Variants in LIG1 observed in about 807,000 individuals in gnomAD.
LIG1 encodes DNA ligase 1.
LIG1 carries 70 observed loss-of-function variants against 115.7 expected under a neutral mutation model. The observed-to-expected ratio is 0.60, with a 90% CI of 0.50 to 0.74. The LOEUF (loss-of-function observed/expected upper bound fraction) is 0.74, where lower values mean the gene tolerates loss of function less well. Among genes scored for constraint, LIG1 ranks in the 30% least tolerant of loss-of-function variants. LIG1 has a pLI of 0.00. For synonymous variants in LIG1, 487 were observed against 495.3 expected, an observed-to-expected ratio of 0.98 and a Z score of 0.22; for missense variants, 1,115 against 1,225.6, an observed-to-expected ratio of 0.91 and a Z score of 1.35.
intron 2 of LIG1, among the ~76,000 whole-genome samples, chr19:48,162,981 C>T (rs543085242): frequency 6.6e-6 from 1 of 151,686 alleles, no homozygotes; most frequent in South Asian, 2.1e-4. Context: ...ATGGTGTGAT[C>T]TCGGCTCACT....
At chr19:48,129,640 C>T (rs1394341155) in intron 19 of LIG1, among the ~76,000 whole-genome samples, 2 of 152,252 alleles carry the variant, frequency 1.3e-5, no homozygotes, top group Non-Finnish European at 2.9e-5. Flanking sequence ...AGCTCTAGAA[C>T]AGGTAAAACC....
intron 20 of LIG1, 157 bp from the exon 21 acceptor site, chr19:48,127,505 C>T (rs562371086): frequency 4.3e-6 from 3 of 694,430 alleles, no homozygotes; most frequent in Non-Finnish European, 7.7e-6. Context: ...GGTGCTGGAT[C>T]GTTAACGGCT....
chr19:48,140,027 C>T lies in LIG1; in HGVS notation c.1031G>A (p.Gly344Asp), dbSNP rs1287641149. ...SLNHLGPPQQ[G>D]LELGVGDGVL... The stretch of plus-strand genomic sequence containing the variant: ...ACCATCACCCACGCCAAGCTCCAGG[C>T]CCTGCTGGGGTGGCCCAAGGTGGTT... The change falls in exon 12 of 28, where the codon GGC (glycine) becomes GAC (aspartate). Residue 344 changes from glycine to aspartate, a missense_variant. Coordinates refer to ENST00000263274, the MANE Select transcript of LIG1 (RefSeq NM_000234.3). The T allele has an allele frequency of 1.2e-6, 2 of 1,614,120 alleles. No homozygotes were observed. Among genetic ancestry groups the T allele is most frequent in the Non-Finnish European group, 8.5e-7 (1 of 1,180,048 alleles).
At chr19:48,119,463 G>A (rs1392402192) in intron 24 of LIG1, among the ~76,000 whole-genome samples, 2 of 151,134 alleles carry the variant, frequency 1.3e-5, no homozygotes, top group Non-Finnish European at 2.9e-5. Context: ...CCTGGCCCCA[G>A]GAAGTCACTC....
In LIG1 at chr19:48,136,062, CTGGGAG is replaced by C. The variant is rs2034368624; in HGVS notation, c.1389_1394del (p.Ser464_Gln465del). 2 of 1,570,502 alleles carry C rather than the reference CTGGGAG, an allele frequency of 1.3e-6. No homozygotes were observed. The highest frequency in any genetic ancestry group is 2.7e-5 in the African/African-American group (2 of 73,872). ...GGCCCGGGGGCGTGAGGCTCACTGC[CTGGGAG>C]AGGGCAGCCAGCACCGACTGCTCTG... On this transcript the variant is annotated inframe_deletion, in exon 15 of 28. Coordinates refer to ENST00000263274, the MANE Select transcript of LIG1 (RefSeq NM_000234.3).
At chr19:48,164,974 A>AC (rs2036398453) in intron 2 of LIG1, among the ~76,000 whole-genome samples, 1 of 152,136 alleles carries the variant, frequency 6.6e-6, no homozygotes, top group African/African-American at 2.4e-5. Flanking sequence ...ATATCTCCAG[A>AC]CACTGGCCGG....
intron 2 of LIG1, 56 bp downstream of exon 2, chr19:48,165,494 G>T: frequency 1.5e-6 from 2 of 1,302,434 alleles, no homozygotes; most frequent in Non-Finnish European, 2.2e-6. Context: ...CAGATTTAGA[G>T]AAAGAAACAG....
intron 18 of LIG1, among the ~76,000 whole-genome samples, chr19:48,131,477 T>G (rs1008948258): frequency 6.6e-6 from 1 of 152,146 alleles, no homozygotes; most frequent in South Asian, 2.1e-4. Context: ...TCATTCTGAT[T>G]TTTTTTTGAG....
chr19:48,127,403 T>C (rs2033741068), intron 20 of LIG1, 55 bp from the exon 21 acceptor site: 1 of 1,486,600 alleles, frequency 6.7e-7, no homozygotes, highest in Non-Finnish European at 9.3e-7. Flanking sequence ...CGGGGCACTG[T>C]GCCTGAGGCC....
At chr19:48,140,216 T>A in intron 11 of LIG1, 73 bp from the exon 12 acceptor site, 7 of 998,626 alleles carry the variant, frequency 7.0e-6, no homozygotes, top group Non-Finnish European at 1.1e-5. Flanking sequence ...GGGGTGGGTT[T>A]AAGGGGGTGG....
intron 24 of LIG1, chr19:48,120,808 G>C (rs936238143): frequency 5.0e-5 from 27 of 537,680 alleles, no homozygotes; most frequent in African/African-American, 5.0e-4. Context: ...AAAAAAAAAT[G>C]TGGGGACAAA....
chr19:48,160,201 C>G (rs546402409), intron 4 of LIG1, among the ~76,000 whole-genome samples: 2 of 152,340 alleles, frequency 1.3e-5, no homozygotes, highest in East Asian at 3.9e-4. Flanking sequence ...TTTTAAGCCA[C>G]TGCGTTTGTG....
chr19:48,134,571 T>C (rs1353205543), intron 16 of LIG1, among the ~76,000 whole-genome samples: 2 of 152,194 alleles, frequency 1.3e-5, no homozygotes, highest in African/African-American at 4.8e-5. Context: ...GGCAGGAGAA[T>C]CACTTGAACC....
At position 48,133,104 on chromosome 19, in the gene LIG1, AAGG is replaced by A. The variant is rs2034149584; in HGVS notation, c.1610-10_1610-8del. On this transcript the variant is annotated splice_region_variant and splice_polypyrimidine_tract_variant and intron_variant, in intron 17 of 27. Transcript: ENST00000263274. Reference sequence around the variant, plus strand: ...ATTGGTTTCAGGGGAATCCCTGGGAAAGGAGGAGAGTGAGTTAGAGGAGAGGGA... The same window carrying A: ...ATTGGTTTCAGGGGAATCCCTGGGAAAGGAGAGTGAGTTAGAGGAGAGGGA... The A allele has an allele frequency of 1.3e-6, 2 of 1,582,234 alleles. No homozygotes were observed. The highest frequency in any genetic ancestry group is 1.7e-6 in the Non-Finnish European group (2 of 1,151,036).
intron 12 of LIG1, among the ~76,000 whole-genome samples, chr19:48,138,360 C>T (rs1665421787): frequency 2.0e-5 from 3 of 152,328 alleles, no homozygotes; most frequent in East Asian, 1.9e-4. Flanking sequence ...ATCGAGATAA[C>T]GCCCTAACCC....
intron 2 of LIG1, among the ~76,000 whole-genome samples, chr19:48,164,603 G>A (rs2036375041): frequency 6.6e-6 from 1 of 152,212 alleles, no homozygotes; most frequent in Non-Finnish European, 1.5e-5. Context: ...CAAGGGGACC[G>A]CTAAGAGGGG....
At chr19:48,136,959 C>A in intron 14 of LIG1, 49 bp downstream of exon 14, 1 of 1,457,906 alleles carries the variant, frequency 6.9e-7, no homozygotes, top group African/African-American at 1.4e-5. Flanking sequence ...CTCCTTTCAC[C>A]TCCGAGCCTG....
intron 12 of LIG1, among the ~76,000 whole-genome samples, chr19:48,139,309 T>C (rs902867071): frequency 1.3e-5 from 2 of 152,208 alleles, no homozygotes; most frequent in African/African-American, 2.4e-5. Flanking sequence ...TTGTCATCCA[T>C]CCAGTCACCC....
chr19:48,140,703 C>T (rs1408886162), intron 11 of LIG1, among the ~76,000 whole-genome samples: 1 of 152,122 alleles, frequency 6.6e-6, no homozygotes, highest in Non-Finnish European at 1.5e-5. Flanking sequence ...TCTGACGCCA[C>T]CCAGACTGTA....
Sources: allele counts gnomAD v4.1 joint callset (sites outside exome capture counted in the v4.1 genomes callset), GRCh38; gene constraint gnomAD v4.1.1; transcripts MANE v1.5; gene names NCBI Gene and HGNC (gene_info 2026-07-23, HGNC 2026-07-21).